The following HCFC1R1 variants were observed in gnomAD, a reference collection of about 807,000 sequenced individuals.
HCFC1R1 encodes HCF-1 beta-propeller-interacting protein.
HCFC1R1 carries 17 observed loss-of-function variants against 13.3 expected under a neutral mutation model. The ratio of observed to expected loss-of-function variants is 1.28; its 90% CI spans 0.87 to 1.91. HCFC1R1 has a LOEUF of 1.91. Among genes scored for constraint, HCFC1R1 ranks in the 40% most tolerant of loss-of-function variants. The pLI is 0.00. For missense variants in HCFC1R1, 218 were observed against 177.9 expected (o/e 1.23, Z -1.28); for synonymous variants, 87 against 71.1 (o/e 1.22, Z -1.12).
intron 2 of HCFC1R1, 43 bp downstream of exon 2, chr16:3,023,431 G>A (rs776467478): frequency 6.2e-7 from 1 of 1,613,922 alleles, no homozygotes; most frequent in Non-Finnish European, 8.5e-7. Flanking sequence ...GACCAGAGGT[G>A]ACAGAGATCT....
Position 3,023,371 on chromosome 16 carries a change from G to C in HCFC1R1, c.153-10C>G. On this transcript the variant is annotated splice_polypyrimidine_tract_variant and intron_variant, in intron 2 of 3. Transcript: ENST00000248089. ...CTTGCGCAGAGGCTCCCTGGGGAGA[G>C]ATGGCAGAGAGGCAGGCTGGGATAC... The C allele has an allele frequency of 1.2e-6, 2 of 1,611,946 alleles. No homozygotes were observed. Among genetic ancestry groups the C allele is most frequent in the East Asian group, 2.2e-5 (1 of 44,810 alleles).
In HCFC1R1 at chr16:3,023,298, G is replaced by T. The variant is rs952637962; in HGVS notation, c.216C>A (p.Ser72Arg). 1.3e-6 allele frequency: 2 copies of T among 1,595,176 alleles called. No individual in the cohort carries two copies. The highest frequency in any genetic ancestry group is 1.7e-6 in the Non-Finnish European group (2 of 1,168,296). Residue 72 changes from serine (S) to arginine (R), a missense_variant, in exon 3 of 4, where the codon AGC becomes AGA. Physicochemically the swap from Ser to Arg is moderately radical, Grantham distance 110 (BLOSUM62 -1). Coordinates refer to ENST00000248089, the MANE Select transcript of HCFC1R1 (RefSeq NM_017885.4). The stretch of plus-strand genomic sequence containing the variant: ...TGCAGTAGGGGTGGTCATTGTGCAG[G>T]CTGAGTTGAGAGAAGTGGGTGGCCA... ...ENMATHFSQLSLHNDHPYCSP... is the reference protein window; with the variant it reads ...ENMATHFSQLRLHNDHPYCSP...
chr16:3,024,170 G>GCGGCGCTCACCT, upstream of HCFC1R1: 1 of 886,870 alleles, frequency 1.1e-6, no homozygotes, highest in Non-Finnish European at 1.8e-6. Context: ...GGGGGTCTTC[G>GCGGCGCTCACCT]CGGCGCTCAC....
At chr16:3,023,947 T>G, upstream of HCFC1R1, 1 of 1,544,956 alleles carries the variant, frequency 6.5e-7, no homozygotes, top group African/African-American at 1.4e-5. Context: ...ATCATTGGGT[T>G]TTGGGGTCCT....
At chr16:3,023,785 T>C in intron 1 of HCFC1R1, 62 bp downstream of exon 1, 1 of 1,325,900 alleles carries the variant, frequency 7.5e-7, no homozygotes, top group Non-Finnish European at 1.0e-6. Context: ...AGACCAGTCC[T>C]GAGCACCCAG....
chr16:3,023,376 C>T lies in HCFC1R1; in HGVS notation c.153-15G>A, dbSNP rs1166391015. On this transcript the variant is annotated splice_polypyrimidine_tract_variant and intron_variant, in intron 2 of 3. Transcript: ENST00000248089. ...GCAGAGGCTCCCTGGGGAGAGATGG[C>T]AGAGAGGCAGGCTGGGATACTGACA... The T allele has an allele frequency of 6.2e-7, 1 of 1,611,778 alleles. No individual in the cohort carries two copies. Among genetic ancestry groups the T allele is most frequent in the South Asian group, 1.1e-5 (1 of 90,936 alleles).
rs2072698411 is a variant in HCFC1R1 at position 3,023,898 on chromosome 16, G to A, written c.44C>T (p.Ala15Val). 1.3e-6 allele frequency: 2 copies of A among 1,557,498 alleles called. No individual in the cohort carries two copies. Among genetic ancestry groups the A allele is most frequent in the Non-Finnish European group, 1.7e-6 (2 of 1,155,282 alleles). Reference sequence around the variant, plus strand: ...CAAGGCGGCCCGCGGGAGGCGCTGGGCCCCTCCCTGGGGGCCTCGCTGCAA... The same window carrying A: ...CAAGGCGGCCCGCGGGAGGCGCTGGACCCCTCCCTGGGGGCCTCGCTGCAA... ...QPLQRGPQGG[A>V]QRLPRAALGV... is the part of the protein sequence containing the mutation. Residue 15 changes from alanine (A) to valine (V), a missense_variant, in exon 1 of 4, where the codon GCC becomes GTC. Coordinates refer to ENST00000248089, the MANE Select transcript of HCFC1R1 (RefSeq NM_017885.4).
At chr16:3,023,779 C>A in intron 1 of HCFC1R1, 68 bp downstream of exon 1, 1 of 1,263,220 alleles carries the variant, frequency 7.9e-7, no homozygotes, top group South Asian at 1.3e-5. Flanking sequence ...TCCTGCAGAC[C>A]AGTCCTGAGC....
chr16:3,023,535 GA>G lies in HCFC1R1; in HGVS notation c.96-6del, dbSNP rs748150206. 3.8e-6 allele frequency: 6 copies of G among 1,573,548 alleles called. 1 individual carries two copies. The highest frequency in any genetic ancestry group is 4.5e-5 in the East Asian group (2 of 44,266). On this transcript the variant is annotated splice_polypyrimidine_tract_variant and splice_region_variant and intron_variant, in intron 1 of 3. Coordinates refer to ENST00000248089, the MANE Select transcript of HCFC1R1 (RefSeq NM_017885.4). ...ACAGCTCCTCGGAGAGGGGAGCTGG[GA>G]AAAAAAGAGAGCCTGGTGCACCCCA...
At position 3,023,363 on chromosome 16, in the gene HCFC1R1, T is replaced by C. The variant is rs112355654; in HGVS notation, c.153-2A>G. 2 of 1,611,146 alleles carry C rather than the reference T, an allele frequency of 1.2e-6. No homozygotes were observed. The highest frequency in any genetic ancestry group is 1.1e-5 in the South Asian group (1 of 90,912). ...AGAAACTGCTTGCGCAGAGGCTCCCTGGGGAGAGATGGCAGAGAGGCAGGC... is the reference window on the plus strand; with the variant it reads ...AGAAACTGCTTGCGCAGAGGCTCCCCGGGGAGAGATGGCAGAGAGGCAGGC... On this transcript the variant is annotated splice_acceptor_variant, in intron 2 of 3. Transcript: ENST00000248089. LOFTEE classifies it high-confidence loss of function.
In HCFC1R1 at chr16:3,023,831, G is replaced by C. The variant is rs372057057; in HGVS notation, c.95+16C>G. 4 of 1,530,230 alleles carry C rather than the reference G, an allele frequency of 2.6e-6. No individual in the cohort carries two copies. In the Admixed American group the frequency reaches 7.8e-5, roughly 30 times the overall value. 94.8% of individuals were successfully genotyped at this position (1,530,230 alleles called of 1,614,324 possible). A position where few individuals can be genotyped will look rare whatever the true frequency, so the allele number is the denominator to read the frequency against. On this transcript the variant is annotated intron_variant, in intron 1 of 3. Coordinates refer to ENST00000248089, the MANE Select transcript of HCFC1R1 (RefSeq NM_017885.4). ...TGCGGCCCTTGGTCAGGCCCACCCT[G>C]GTCCCCTACACGCACCTGGCGTCCA...
chr16:3,023,420 G>T (rs1313124104), intron 2 of HCFC1R1, 54 bp downstream of exon 2: 1 of 1,613,888 alleles, frequency 6.2e-7, no homozygotes, highest in Non-Finnish European at 8.5e-7. Context: ...AGCCTGTTGG[G>T]GACCAGAGGT....
Position 3,022,897 on chromosome 16 carries a change from G to C in HCFC1R1, c.383C>G (p.Pro128Arg). ...CATTATGTCCCCAGCTGGGGTTGCA[G>C]GGTAGGGGGGACTGGGGGTGTCCCC... ...RLGDTPSPPY[P>R]ATPAGDIMEL The change falls in exon 4 of 4, where the codon CCT becomes CGT. Residue 128 changes from proline (P) to arginine (R), a missense_variant. Pro to Arg is a moderately radical substitution (Grantham distance 103). Coordinates refer to ENST00000248089, the MANE Select transcript of HCFC1R1 (RefSeq NM_017885.4). 1 of 1,555,868 alleles carries C rather than the reference G, an allele frequency of 6.4e-7. No homozygotes were observed. Among genetic ancestry groups the C allele is most frequent in the Non-Finnish European group, 8.6e-7 (1 of 1,162,346 alleles).
Position 3,023,645 on chromosome 16 carries a change from G to C in HCFC1R1, c.96-115C>G, listed in dbSNP as rs1311192379. ...CCCAAGCCCATTCCTGTCTCAGCTG[G>C]TGCCGGTCCCCGCTCTCCTGGACCA... On this transcript the variant is annotated intron_variant, in intron 1 of 3. Coordinates refer to ENST00000248089, the MANE Select transcript of HCFC1R1 (RefSeq NM_017885.4). The C allele has an allele frequency of 5.5e-5, 71 of 1,281,238 alleles. 2 individuals carry two copies. In the East Asian group the frequency reaches 1.8e-3, roughly 33 times the overall value. 79.4% of individuals were successfully genotyped at this position (1,281,238 alleles called of 1,614,324 possible). A position where few individuals can be genotyped will look rare whatever the true frequency, so the allele number is the denominator to read the frequency against.
rs749183088 is a variant in HCFC1R1, at chr16:3,023,875, A to G, written c.67T>C (p.Leu23=). Reference sequence around the variant, plus strand: ...GCGTCCAGGCCCCAAGTCACCCCCAAGGCGGCCCGCGGGAGGCGCTGGGCC... The same window carrying G: ...GCGTCCAGGCCCCAAGTCACCCCCAGGGCGGCCCGCGGGAGGCGCTGGGCC... The part of the protein sequence containing the change: ...GGAQRLPRAA[L]GVTWGLDASS... Residue 23 remains leucine (L), a synonymous_variant, in exon 1 of 4, where the codon TTG becomes CTG. Coordinates refer to ENST00000248089, the MANE Select transcript of HCFC1R1 (RefSeq NM_017885.4). 1.3e-6 allele frequency: 2 copies of G among 1,552,192 alleles called. No individual in the cohort carries two copies. Among genetic ancestry groups the G allele is most frequent in the South Asian group, 1.2e-5 (1 of 85,020 alleles).
At chr16:3,023,569 G>A (rs1487850218) in intron 1 of HCFC1R1, 39 bp from the exon 2 acceptor site, 4 of 1,529,502 alleles carry the variant, frequency 2.6e-6, no homozygotes, top group Non-Finnish European at 3.5e-6. Flanking sequence ...CCACCCTCTT[G>A]GCCCCTTCCC....
Position 3,023,924 on chromosome 16 carries a change from G to A in HCFC1R1, c.18C>T (p.Pro6=). 5 of 1,556,932 alleles carry A rather than the reference G, an allele frequency of 3.2e-6. No individual in the cohort carries two copies. In the South Asian group the frequency reaches 4.7e-5, roughly 15 times the overall value. ...CCCCTCCCTGGGGGCCTCGCTGCAA[G>A]GGCTGCTGCAGGATCATTGGGTTTT... MILQQ[P]LQRGPQGGAQ... is the part of the protein sequence containing the mutation. The change falls in exon 1 of 4, where the codon CCC becomes CCT. Residue 6 remains proline (P), a synonymous_variant. Coordinates refer to ENST00000248089, the MANE Select transcript of HCFC1R1 (RefSeq NM_017885.4).
In HCFC1R1 at chr16:3,023,867, C is replaced by A; in HGVS notation, c.75G>T (p.Val25=). The part of the protein sequence containing the change: ...AQRLPRAALG[V]TWGLDASSPL... ...CGCACCTGGCGTCCAGGCCCCAAGT[C>A]ACCCCCAAGGCGGCCCGCGGGAGGC... The change falls in exon 1 of 4, where the codon GTG becomes GTT. Residue 25 remains valine (V), a synonymous_variant. Transcript: ENST00000248089. The A allele has an allele frequency of 6.5e-7, 1 of 1,549,344 alleles. No individual in the cohort carries two copies. Among genetic ancestry groups the A allele is most frequent in the South Asian group, 1.2e-5 (1 of 84,870 alleles).
rs1179884162 is a variant in HCFC1R1, at chr16:3,023,858, G to A, written c.84C>T (p.Gly28=). 6.5e-7 allele frequency: 1 copy of A among 1,546,042 alleles called. No homozygotes were observed. The highest frequency in any genetic ancestry group is 8.7e-7 in the Non-Finnish European group (1 of 1,151,196). Residue 28 remains glycine (G), a synonymous_variant, in exon 1 of 4, where the codon GGC becomes GGT. Transcript: ENST00000248089. ...TCCCCTACACGCACCTGGCGTCCAG[G>A]CCCCAAGTCACCCCCAAGGCGGCCC... ...LPRAALGVTW[G]LDASSPLRGA...
Sources: allele counts gnomAD v4.1 joint callset, GRCh38; gene constraint gnomAD v4.1.1; transcripts MANE v1.5; gene names NCBI Gene and HGNC (gene_info 2026-07-23, HGNC 2026-07-21).